The following SHTN1 variants were observed in gnomAD, a reference collection of about 807,000 sequenced individuals.
SHTN1 encodes the protein shootin 1.
SHTN1 carries 42 observed loss-of-function variants against 83.1 expected under a neutral mutation model. The ratio of observed to expected loss-of-function variants is 0.51; its 90% CI spans 0.39 to 0.65. The LOEUF (loss-of-function observed/expected upper bound fraction) is 0.65. Among genes scored for constraint, SHTN1 ranks in the 30% least tolerant of loss-of-function variants. The pLI is 0.00. For missense variants in SHTN1, 622 were observed against 737.8 expected, an observed-to-expected ratio of 0.84 and a Z score of 1.82; for synonymous variants, 224 against 247.7, an observed-to-expected ratio of 0.90 and a Z score of 0.90.
In SHTN1 at chr10:116,930,006, T is replaced by C. The variant is rs1208305007; in HGVS notation, c.859-4A>G. On this transcript the variant is annotated splice_region_variant and splice_polypyrimidine_tract_variant and intron_variant, in intron 9 of 16. Transcript: ENST00000355371. ...GTTGCTCTTCTAATTCTTTGACCTA[T>C]AAGTTATTTAAAAAAAAAAGACTTT... 6.6e-7 allele frequency: 1 copy of C among 1,522,462 alleles called. No individual in the cohort carries two copies. Among genetic ancestry groups the C allele is most frequent in the Admixed American group, 2.3e-5 (1 of 43,078 alleles). 94.3% of individuals were successfully genotyped at this position (1,522,462 alleles called of 1,614,324 possible). A position where few individuals can be genotyped will look rare whatever the true frequency, so the allele number is the denominator to read the frequency against.
chr10:117,110,727 T>C (rs1853753986), intron 1 of SHTN1, among the ~76,000 whole-genome samples: 1 of 152,168 alleles, frequency 6.6e-6, no homozygotes, highest in East Asian at 1.9e-4. Context: ...CGAGGAAGTC[T>C]GAGTTTTGTT....
At chr10:117,099,227 C>T (rs1476719411) in intron 1 of SHTN1, among the ~76,000 whole-genome samples, 2 of 151,882 alleles carry the variant, frequency 1.3e-5, no homozygotes, top group Non-Finnish European at 2.9e-5. Context: ...CTTGGAGACT[C>T]AGGGTGGGGA....
rs559877521 is a variant in SHTN1, at chr10:117,072,554, C to T, written c.-188-24044G>A. On this transcript the variant is annotated intron_variant, in intron 1 of 17. Coordinates refer to the SHTN1 transcript ENST00000392901. ...CATCACAGGACTCTGTGCAGACAAC[C>T]CCCAGTACAAGCCCAGAGCCTGGTA... Among the ~76,000 whole-genome samples, 6 of 152,244 alleles carry T rather than the reference C, an allele frequency of 3.9e-5. No homozygotes were observed. The South Asian group carries it at 1.2e-3, about 32-fold the overall frequency.
At chr10:117,012,703 T>C (rs554071027) in intron 2 of SHTN1, among the ~76,000 whole-genome samples, 1 of 152,262 alleles carries the variant, frequency 6.6e-6, no homozygotes, top group South Asian at 2.1e-4. Flanking sequence ...AATTAGTTTT[T>C]AAATACGATG....
intron 1 of SHTN1, among the ~76,000 whole-genome samples, chr10:117,094,863 T>C (rs1263607535): frequency 6.6e-6 from 1 of 152,202 alleles, no homozygotes; most frequent in African/African-American, 2.4e-5. Context: ...TTAATCTGAA[T>C]CTCGATAAGT....
At chr10:117,009,441 C>G (rs1460797470), upstream of SHTN1, among the ~76,000 whole-genome samples, 1 of 151,826 alleles carries the variant, frequency 6.6e-6, no homozygotes, top group African/African-American at 2.4e-5. Context: ...CCAAAGACAA[C>G]AATAGATTTA....
chr10:117,100,402 C>T lies in SHTN1; in HGVS notation c.-189+25905G>A, dbSNP rs553088191. 3.9e-5 allele frequency among the ~76,000 whole-genome samples: 6 copies of T among 152,266 alleles called. No homozygotes were observed. The South Asian group carries it at 1.2e-3, about 32-fold the overall frequency. The stretch of plus-strand genomic sequence containing the variant: ...GGCCCACACAGCCTAAAATCTTCAC[C>T]ATCTGGCCCTTTATAGAAAAATTTG... On this transcript the variant is annotated intron_variant, in intron 1 of 17. Transcript: ENST00000392901.
chr10:117,018,509 A>ATTTT (rs1564932217), intron 2 of SHTN1, among the ~76,000 whole-genome samples: 9 of 137,308 alleles, frequency 6.6e-5, no homozygotes, highest in African/African-American at 2.5e-4. Flanking sequence ...ATTTTTTTTA[A>ATTTT]AAAAAAAAAA....
intron 2 of SHTN1, among the ~76,000 whole-genome samples, chr10:117,039,982 TA>T (rs1030420554): frequency 1.3e-5 from 2 of 151,638 alleles, no homozygotes; most frequent in Non-Finnish European, 2.9e-5. Context: ...AATAGTCTAC[TA>T]AAAAAAAGCA....
chr10:116,974,471 T>C (rs182684377), intron 2 of SHTN1, among the ~76,000 whole-genome samples: 380 of 152,232 alleles, frequency 2.5e-3, no homozygotes, highest in Admixed American at 3.6e-3. Context: ...ATTTTAACAA[T>C]AGACAACTGA....
intron 9 of SHTN1, among the ~76,000 whole-genome samples, chr10:116,936,269 G>C (rs186348715): frequency 3.3e-5 from 5 of 151,948 alleles, no homozygotes; most frequent in Admixed American, 6.6e-5. Flanking sequence ...TTAGGGTGTC[G>C]ATTTTAGATC....
intron 2 of SHTN1, among the ~76,000 whole-genome samples, chr10:117,012,569 C>T (rs1303340924): frequency 6.6e-6 from 1 of 151,846 alleles, no homozygotes; most frequent in Non-Finnish European, 1.5e-5. Context: ...TAAAAAGGAG[C>T]CGCAACACAT....
At chr10:117,035,969 G>GAA (rs1852490539) in intron 2 of SHTN1, among the ~76,000 whole-genome samples, 8 of 101,704 alleles carry the variant, frequency 7.9e-5, no homozygotes, top group African/African-American at 2.1e-4. Flanking sequence ...AAAAAAAAAG[G>GAA]CAAAAGACTT....
intron 16 of SHTN1, among the ~76,000 whole-genome samples, chr10:116,895,092 T>A (rs141068269): frequency 6.6e-6 from 1 of 152,170 alleles, no homozygotes; most frequent in East Asian, 1.9e-4. Flanking sequence ...GATACAATAA[T>A]AAAATGTATT....
chr10:116,963,817 A>C (rs897255549), intron 3 of SHTN1, among the ~76,000 whole-genome samples: 2 of 152,230 alleles, frequency 1.3e-5, no homozygotes, highest in African/African-American at 4.8e-5. Flanking sequence ...AAAAAATTTT[A>C]ATGACCCTGA....
chr10:117,065,349 T>C (rs1322709903), intron 1 of SHTN1, among the ~76,000 whole-genome samples: 2 of 152,104 alleles, frequency 1.3e-5, no homozygotes, highest in Non-Finnish European at 2.9e-5. Context: ...GAAAAGTGTG[T>C]TAATGGAGAG....
chr10:117,078,783 T>C (rs970337557), intron 1 of SHTN1, among the ~76,000 whole-genome samples: 4 of 152,160 alleles, frequency 2.6e-5, no homozygotes, highest in African/African-American at 9.7e-5. Context: ...AAATTATTTA[T>C]TTAATATATG....
intron 3 of SHTN1, among the ~76,000 whole-genome samples, chr10:116,966,437 A>G (rs1393042629): frequency 6.6e-6 from 1 of 152,250 alleles, no homozygotes; most frequent in Non-Finnish European, 1.5e-5. Context: ...TAAATTAATT[A>G]AAGACACTTA....
chr10:116,940,753 G>T, intron 8 of SHTN1, 141 bp from the exon 9 acceptor site: 1 of 570,890 alleles, frequency 1.8e-6, no homozygotes, highest in South Asian at 3.3e-5. Context: ...TTTAGAAGTA[G>T]TGATTGCTAT....
Sources: gnomAD v4.1 joint callset for allele counts (sites outside exome capture counted in the v4.1 genomes callset) on GRCh38, gnomAD v4.1.1 for gene constraint, MANE v1.5 for transcripts, NCBI Gene and HGNC (gene_info 2026-07-23, HGNC 2026-07-21) for gene names.